The following PHC2 variants were observed in gnomAD, a reference collection of about 807,000 sequenced individuals.
PHC2 encodes the protein polyhomeotic homolog 2.
PHC2 carries 29 observed loss-of-function variants against 87.4 expected under a neutral mutation model. The ratio of observed to expected loss-of-function variants is 0.33; its 90% CI spans 0.25 to 0.45. PHC2 has a LOEUF of 0.45. Ranked by LOEUF, PHC2 falls within the 20% of genes least tolerant of loss-of-function variation. PHC2 has a pLI of 1.00. For synonymous variants in PHC2, 438 were observed against 461.7 expected (o/e 0.95, Z 0.66); for missense variants, 857 against 1,136.7 (o/e 0.75, Z 3.54).
At chr1:33,388,923 G>C (rs552966891) in intron 1 of PHC2, among the ~76,000 whole-genome samples, 1 of 152,166 alleles carries the variant, frequency 6.6e-6, no homozygotes, top group South Asian at 2.1e-4. Flanking sequence ...CCTTGAATGT[G>C]GAGAAGGGAA....
At chr1:33,404,913 G>A (rs760504721) in intron 1 of PHC2, among the ~76,000 whole-genome samples, 68 of 152,072 alleles carry the variant, frequency 4.5e-4, no homozygotes, top group Non-Finnish European at 8.5e-4. Flanking sequence ...TGCATTAGTT[G>A]GTAATGAAGA....
Position 33,332,769 on chromosome 1 carries a change from TCTGTGTGAGG to T in PHC2, c.1762-375_1762-366del, listed in dbSNP as rs1646530613. Among the ~76,000 whole-genome samples the T allele has an allele frequency of 6.6e-6, 1 of 151,658 alleles. No individual in the cohort carries two copies. Among genetic ancestry groups the T allele is most frequent in the Non-Finnish European group, 1.5e-5 (1 of 67,940 alleles). ...ATCTCCAGGCAAGGACAGAGCGGAG[TCTGTGTGAGG>T]CTGTACATACGAGAGAGAGACTCAG... On this transcript the variant is annotated intron_variant, in intron 10 of 14. Transcript: ENST00000683057. This position sits in a 1 kb window ranked among gnomAD's most constrained non-coding sequence, Gnocchi z 4.2.
chr1:33,373,969 C>T (rs55998161), intron 2 of PHC2, among the ~76,000 whole-genome samples: 12,149 of 152,184 alleles, frequency 0.08, 676 homozygotes, highest in Non-Finnish European at 0.12. Context: ...TCTGGTGTCT[C>T]CCCAGACATC....
At chr1:33,339,582 T>TAGAGGC (rs1646704302) in intron 9 of PHC2, among the ~76,000 whole-genome samples, 1 of 152,174 alleles carries the variant, frequency 6.6e-6, no homozygotes, top group African/African-American at 2.4e-5. Flanking sequence ...GGATGACCTC[T>TAGAGGC]AGAGGCAGAG....
chr1:33,326,769 ATGG>A (rs1463446333), intron 14 of PHC2, among the ~76,000 whole-genome samples: 2 of 152,290 alleles, frequency 1.3e-5, no homozygotes, highest in East Asian at 3.9e-4. Flanking sequence ...GCCTGCCAAC[ATGG>A]TGAAACCCCA....
chr1:33,420,857 T>C (rs1186102860), intron 1 of PHC2, among the ~76,000 whole-genome samples: 2 of 152,142 alleles, frequency 1.3e-5, no homozygotes, highest in African/African-American at 4.8e-5. Flanking sequence ...GTGATCCTCC[T>C]GCCTCAGCCT....
At chr1:33,359,532 A>G (rs1445843529) in intron 7 of PHC2, among the ~76,000 whole-genome samples, 1 of 152,210 alleles carries the variant, frequency 6.6e-6, no homozygotes, top group Non-Finnish European at 1.5e-5. Context: ...CTCACTCAAC[A>G]AACAATTTAT....
At chr1:33,400,577 A>T (rs1649482704) in intron 1 of PHC2, among the ~76,000 whole-genome samples, 1 of 152,216 alleles carries the variant, frequency 6.6e-6, no homozygotes, top group South Asian at 2.1e-4. Flanking sequence ...AAATGAGGAA[A>T]ATGAGACTCA....
intron 7 of PHC2, chr1:33,363,836 ACTC>A: frequency 1.0e-6 from 1 of 984,856 alleles, no homozygotes. Flanking sequence ...CTCCCTTAGG[ACTC>A]GGCTTCCCTG....
At chr1:33,395,800 A>C (rs1649269709) in intron 1 of PHC2, among the ~76,000 whole-genome samples, 1 of 152,188 alleles carries the variant, frequency 6.6e-6, no homozygotes, top group Admixed American at 6.5e-5. Context: ...ATCTTAGTTG[A>C]AAAGTGTGAA....
chr1:33,415,538 A>G (rs771423071), intron 1 of PHC2, among the ~76,000 whole-genome samples: 54 of 152,220 alleles, frequency 3.5e-4, no homozygotes, highest in Non-Finnish European at 5.4e-4. Context: ...CCAAAATAAA[A>G]GCCAACACTA....
intron 1 of PHC2, among the ~76,000 whole-genome samples, chr1:33,403,674 G>A (rs1388018484): frequency 6.6e-6 from 1 of 152,212 alleles, no homozygotes; most frequent in Admixed American, 6.5e-5. Context: ...TACTGTGGAT[G>A]TTAAAATGAC....
At chr1:33,351,232 C>G (rs1402039746) in intron 9 of PHC2, among the ~76,000 whole-genome samples, 2 of 152,078 alleles carry the variant, frequency 1.3e-5, no homozygotes, top group African/African-American at 4.8e-5. Context: ...TTTATGGGCA[C>G]TAGAATTGGA....
chr1:33,403,745 C>T (rs760289941), intron 1 of PHC2, among the ~76,000 whole-genome samples: 4 of 152,210 alleles, frequency 2.6e-5, no homozygotes, highest in African/African-American at 9.7e-5. Flanking sequence ...TTCAATGTCA[C>T]TAAAGGTAAT....
chr1:33,328,814 C>T, intron 14 of PHC2, 56 bp downstream of exon 14: 3 of 1,527,024 alleles, frequency 2.0e-6, no homozygotes, highest in Middle Eastern at 1.8e-4. Context: ...GGGAGGGTCT[C>T]TCATTTTCTC....
At position 33,413,986 on chromosome 1, in the gene PHC2, T is replaced by C. The variant is rs571018571; in HGVS notation, c.-55+16990A>G. ...CAGCATGGCATTGTGAGAAACAGCA[T>C]GGTATAATGGAAAAACTTGAACTCA... is the stretch of plus-strand genomic sequence containing the variant. On this transcript the variant is annotated intron_variant, in intron 1 of 14. Transcript: ENST00000683057. Among the ~76,000 whole-genome samples the C allele has an allele frequency of 8.5e-5, 13 of 152,276 alleles. No homozygotes were observed. In the East Asian group the frequency reaches 2.3e-3, roughly 27 times the overall value.
intron 1 of PHC2, among the ~76,000 whole-genome samples, chr1:33,416,287 G>A (rs926467902): frequency 1.3e-5 from 2 of 151,900 alleles, no homozygotes; most frequent in Admixed American, 6.6e-5. Context: ...CAGATTTCTG[G>A]CCAGGAGCGG....
At position 33,349,338 on chromosome 1, in the gene PHC2, T is replaced by G. The variant is rs781776864; in HGVS notation, c.1558+5063A>C. The G allele has an allele frequency of 8.5e-4, 837 of 983,248 alleles. 10 individuals carry two copies. In the African/African-American group the frequency reaches 0.014, roughly 16 times the overall value. The allele number at this position is 983,248 out of a possible 1,614,324, so 60.9% of individuals were successfully genotyped here. Reference sequence around the variant, plus strand: ...GGGCTGGGGTGGGGTGTGCGGGGCCTGGGGACGCGGAAGCTGCGGCGCGCC... The same window carrying G: ...GGGCTGGGGTGGGGTGTGCGGGGCCGGGGGACGCGGAAGCTGCGGCGCGCC... On this transcript the variant is annotated intron_variant, in intron 9 of 14. Transcript: ENST00000683057. The surrounding 1 kb of genome is among the most constrained non-coding windows in gnomAD (Gnocchi z 4.2).
chr1:33,345,397 G>T, intron 9 of PHC2: 1 of 248,404 alleles, frequency 4.0e-6, no homozygotes, highest in Non-Finnish European at 6.4e-6. Context: ...ACCAGATGTA[G>T]AAAGAATGTT....
Sources: allele counts gnomAD v4.1 joint callset (sites outside exome capture counted in the v4.1 genomes callset), GRCh38; gene constraint gnomAD v4.1.1; non-coding constraint Gnocchi (gnomAD v3.1); transcripts MANE v1.5; gene names NCBI Gene and HGNC (gene_info 2026-07-23, HGNC 2026-07-21).